Variants in CELF4 observed in about 807,000 individuals in gnomAD.
CELF4 encodes CUGBP Elav-like family member 4, also known as CUG-BP- and ETR-3-like factor 4.
A neutral mutation model predicts 59.9 loss-of-function variants in CELF4; 18 were observed. That is an observed-to-expected ratio of 0.30 (90% confidence interval 0.21 to 0.45). CELF4 has a LOEUF of 0.45. Among genes scored for constraint, CELF4 ranks in the 20% least tolerant of loss-of-function variants. The pLI is 1.00. For synonymous variants in CELF4, 261 were observed against 267.1 expected, an observed-to-expected ratio of 0.98 and a Z score of 0.22; for missense variants, 456 against 689.0, an observed-to-expected ratio of 0.66 and a Z score of 3.79.
At chr18:37,453,485 C>A (rs902083628) in intron 2 of CELF4, among the ~76,000 whole-genome samples, 1 of 152,208 alleles carries the variant, frequency 6.6e-6, no homozygotes, top group African/African-American at 2.4e-5. Flanking sequence ...CTGCCACAAA[C>A]CTTCACTGGG....
chr18:37,367,938 C>T (rs962133926), intron 2 of CELF4, among the ~76,000 whole-genome samples: 5 of 152,078 alleles, frequency 3.3e-5, no homozygotes, highest in African/African-American at 1.2e-4. Context: ...CCACACCCAG[C>T]CCATCTTCCA....
At chr18:37,413,350 G>A (rs1003827749) in intron 2 of CELF4, among the ~76,000 whole-genome samples, 2 of 151,854 alleles carry the variant, frequency 1.3e-5, no homozygotes, top group African/African-American at 4.8e-5. Context: ...GCATCTGTGT[G>A]TGTAGGGGGT....
chr18:37,450,950 CT>C (rs1305986857), intron 2 of CELF4, among the ~76,000 whole-genome samples: 1 of 152,208 alleles, frequency 6.6e-6, no homozygotes, highest in Admixed American at 6.5e-5. Flanking sequence ...ACTTGTGGAC[CT>C]GCCAAAGCCC....
Position 37,423,105 on chromosome 18 carries a change from C to G in CELF4, c.369+62420G>C, listed in dbSNP as rs62083622. Among the ~76,000 whole-genome samples, 96 of 117,582 alleles carry G rather than the reference C, an allele frequency of 8.2e-4. 1 individual carries two copies. Among genetic ancestry groups the G allele is most frequent in the African/African-American group, 2.2e-3 (68 of 30,616 alleles). The allele number at this position is 117,582 out of a possible 152,430, so 77.1% of individuals were successfully genotyped here. A position where few individuals can be genotyped will look rare whatever the true frequency, so the allele number is the denominator to read the frequency against. On this transcript the variant is annotated intron_variant, in intron 2 of 12. Coordinates refer to ENST00000420428, the MANE Select transcript of CELF4 (RefSeq NM_020180.4). ...ACAGAGACAGAGAGAGAGAGAGAGA[C>G]AGACAGACAGACAGACAGAGAGAGT...
At chr18:37,393,733 A>G (rs2099197163) in intron 2 of CELF4, among the ~76,000 whole-genome samples, 1 of 149,574 alleles carries the variant, frequency 6.7e-6, no homozygotes, top group South Asian at 2.1e-4. Context: ...CCATCTAGGC[A>G]GATTCCTTCA....
intron 2 of CELF4, among the ~76,000 whole-genome samples, chr18:37,413,780 A>G (rs978184202): frequency 5.3e-5 from 8 of 152,320 alleles, no homozygotes; most frequent in Non-Finnish European, 8.8e-5. Flanking sequence ...CAAGGAGCCT[A>G]TCATCCTCCC....
chr18:37,274,520 C>T, intron 5 of CELF4, 66 bp from the exon 6 acceptor site: 1 of 1,604,624 alleles, frequency 6.2e-7, no homozygotes, highest in Non-Finnish European at 8.5e-7. Flanking sequence ...GTCGGTGCCT[C>T]TGGCCTGCGC....
At chr18:37,290,510 C>G (rs1018947075) in intron 3 of CELF4, among the ~76,000 whole-genome samples, 1 of 152,144 alleles carries the variant, frequency 6.6e-6, no homozygotes, top group African/African-American at 2.4e-5. Context: ...CTTGAGAAGT[C>G]TGGAAATGCT....
At chr18:37,427,905 A>G (rs1178330710) in intron 2 of CELF4, among the ~76,000 whole-genome samples, 1 of 152,184 alleles carries the variant, frequency 6.6e-6, no homozygotes, top group African/African-American at 2.4e-5. Flanking sequence ...TGGTCCCCAA[A>G]TATATGCACA....
chr18:37,280,103 C>T (rs2093936854), intron 3 of CELF4, among the ~76,000 whole-genome samples: 1 of 152,156 alleles, frequency 6.6e-6, no homozygotes, highest in South Asian at 2.1e-4. Flanking sequence ...GCTCTTTGTC[C>T]CCAGATGTCT....
intron 1 of CELF4, among the ~76,000 whole-genome samples, chr18:37,521,649 G>A (rs1490691161): frequency 6.6e-6 from 1 of 152,098 alleles, no homozygotes; most frequent in Non-Finnish European, 1.5e-5. Context: ...ATGCACCACG[G>A]CCCTCTGAAG....
chr18:37,549,149 C>T (rs1374954086), intron 1 of CELF4, among the ~76,000 whole-genome samples: 1 of 152,208 alleles, frequency 6.6e-6, no homozygotes, highest in African/African-American at 2.4e-5. Flanking sequence ...GTGCCCAAAG[C>T]CAGATTTATT....
chr18:37,354,053 C>A (rs2098518643), intron 2 of CELF4, among the ~76,000 whole-genome samples: 1 of 152,044 alleles, frequency 6.6e-6, no homozygotes, highest in Admixed American at 6.6e-5. Context: ...CTGCGCCTGG[C>A]CTGTGGGGGG....
chr18:37,357,501 A>AT (rs2098612898), intron 2 of CELF4, among the ~76,000 whole-genome samples: 1 of 152,232 alleles, frequency 6.6e-6, no homozygotes, highest in Non-Finnish European at 1.5e-5. Flanking sequence ...TGGGGTCCTC[A>AT]TGGAGAACCT....
At chr18:37,301,772 T>C (rs962494764) in intron 3 of CELF4, among the ~76,000 whole-genome samples, 7 of 152,214 alleles carry the variant, frequency 4.6e-5, no homozygotes, top group Admixed American at 2.0e-4. Context: ...TAATGGCTCA[T>C]TGAGTGGCTG....
intron 2 of CELF4, among the ~76,000 whole-genome samples, chr18:37,448,785 G>C (rs2099755246): frequency 6.6e-6 from 1 of 152,204 alleles, no homozygotes; most frequent in Non-Finnish European, 1.5e-5. Context: ...TGGTTCCTTG[G>C]AGATGAAAGT....
chr18:37,437,166 C>T (rs1159470839), intron 2 of CELF4, among the ~76,000 whole-genome samples: 3 of 152,160 alleles, frequency 2.0e-5, no homozygotes, highest in Non-Finnish European at 4.4e-5. Flanking sequence ...AATTGACTCT[C>T]AATGCAGGCC....
chr18:37,271,068 C>T, intron 7 of CELF4, 151 bp from the exon 8 acceptor site: 1 of 647,076 alleles, frequency 1.5e-6, no homozygotes. Flanking sequence ...ATCTATGACC[C>T]ATGCCTTGGC....
intron 2 of CELF4, among the ~76,000 whole-genome samples, chr18:37,357,512 C>CA (rs1418999728): frequency 6.6e-6 from 1 of 152,352 alleles, no homozygotes; most frequent in East Asian, 1.9e-4. Context: ...TGGAGAACCT[C>CA]TGCTAGGGCA....
Sources: allele counts gnomAD v4.1 joint callset (sites outside exome capture counted in the v4.1 genomes callset), GRCh38; gene constraint gnomAD v4.1.1; transcripts MANE v1.5; gene names NCBI Gene and HGNC (gene_info 2026-07-23, HGNC 2026-07-21).